Variants in CRTAC1 observed in about 807,000 individuals in gnomAD.
CRTAC1 encodes the protein cartilage acidic protein 1.
In CRTAC1, 37 loss-of-function variants were observed where a neutral mutation model predicts 67.8. The ratio of observed to expected loss-of-function variants is 0.55; its 90% CI spans 0.42 to 0.72. The LOEUF is 0.72. Ranked by LOEUF, CRTAC1 falls within the 30% of genes least tolerant of loss-of-function variation. The probability of loss-of-function intolerance (pLI) is 0.00; values close to 1 mark genes in which losing one functional copy is unlikely to be tolerated. For missense variants in CRTAC1, 780 were observed against 931.6 expected (o/e 0.84, Z 2.12); for synonymous variants, 348 against 371.0 (o/e 0.94, Z 0.71).
At chr10:97,997,216 C>T (rs2136679214) in intron 2 of CRTAC1, among the ~76,000 whole-genome samples, 1 of 138,058 alleles carries the variant, frequency 7.2e-6, no homozygotes, top group African/African-American at 2.8e-5. Context: ...GCACATGTAC[C>T]CTAAAACTTA....
intron 14 of CRTAC1, among the ~76,000 whole-genome samples, chr10:97,872,725 A>G (rs943293292): frequency 1.1e-4 from 17 of 152,136 alleles, no homozygotes; most frequent in Middle Eastern, 3.2e-3. Flanking sequence ...CTTGAGATGG[A>G]TGCTCGCAGA....
At chr10:98,019,394 C>T (rs78656694) in intron 1 of CRTAC1, among the ~76,000 whole-genome samples, 8,437 of 152,248 alleles carry the variant, frequency 0.055, 375 homozygotes, top group Non-Finnish European at 0.08. Context: ...GCCCTGGGGA[C>T]TTTTGGCAAT....
intron 2 of CRTAC1, among the ~76,000 whole-genome samples, chr10:97,965,656 G>A (rs1434442461): frequency 1.3e-5 from 2 of 151,530 alleles, no homozygotes; most frequent in African/African-American, 4.8e-5. Context: ...AGATACTCAT[G>A]TGAGGTGGCT....
chr10:97,865,812 G>C, intron 14 of CRTAC1, 98 bp from the exon 15 acceptor site: 1 of 1,367,692 alleles, frequency 7.3e-7, no homozygotes, highest in Non-Finnish European at 9.6e-7. Context: ...GGCTCACCCT[G>C]CTGCCCGGGG....
At chr10:98,010,314 A>G (rs1359785022) in intron 2 of CRTAC1, among the ~76,000 whole-genome samples, 5 of 152,226 alleles carry the variant, frequency 3.3e-5, no homozygotes, top group Non-Finnish European at 7.3e-5. Context: ...TGCTGGGATT[A>G]CAGGCGTGAG....
intron 2 of CRTAC1, among the ~76,000 whole-genome samples, chr10:97,942,553 A>G (rs563312671): frequency 6.6e-6 from 1 of 152,282 alleles, no homozygotes; most frequent in East Asian, 1.9e-4. Context: ...GACCTATGTG[A>G]AAAAAATCGC....
chr10:97,912,478 G>A (rs867659863), intron 5 of CRTAC1, among the ~76,000 whole-genome samples: 1 of 152,208 alleles, frequency 6.6e-6, no homozygotes, highest in Non-Finnish European at 1.5e-5. Context: ...GGGCAGCCTT[G>A]GTTGTCCTCA....
At chr10:98,022,976 G>A (rs1843153391) in intron 1 of CRTAC1, among the ~76,000 whole-genome samples, 1 of 152,058 alleles carries the variant, frequency 6.6e-6, no homozygotes, top group African/African-American at 2.4e-5. Flanking sequence ...AATTTAAAAT[G>A]CACTCGTGGA....
At position 98,030,542 on chromosome 10, in the gene CRTAC1, G is replaced by T; in HGVS notation, c.-70C>A. ...GCTCGCTGCCGCCTCTGCCGCCGGC[G>T]CCGCCGCCTGCTTGCTCCCAGCCCC... On this transcript the variant is annotated 5_prime_UTR_variant, in exon 1 of 15. Transcript: ENST00000370597. This position sits in a 1 kb window ranked among gnomAD's most constrained non-coding sequence, Gnocchi z 4.2. The T allele has an allele frequency of 9.2e-7, 1 of 1,088,272 alleles. No individual in the cohort carries two copies. Among genetic ancestry groups the T allele is most frequent in the East Asian group, 3.3e-5 (1 of 30,622 alleles). 67.4% of individuals were successfully genotyped at this position (1,088,272 alleles called of 1,614,324 possible).
At position 98,030,405 on chromosome 10, in the gene CRTAC1, A is replaced by T; in HGVS notation, c.24+44T>A. The T allele has an allele frequency of 8.2e-7, 1 of 1,220,526 alleles. No individual in the cohort carries two copies. The highest frequency in any genetic ancestry group is 1.0e-6 in the Non-Finnish European group (1 of 963,100). 75.6% of individuals were successfully genotyped at this position (1,220,526 alleles called of 1,614,324 possible). A position where few individuals can be genotyped will look rare whatever the true frequency, so the allele number is the denominator to read the frequency against. On this transcript the variant is annotated intron_variant, in intron 1 of 14. Coordinates refer to ENST00000370597, the MANE Select transcript of CRTAC1 (RefSeq NM_018058.7). The surrounding 1 kb of genome is among the most constrained non-coding windows in gnomAD (Gnocchi z 4.2). ...CGGGGGGGCGCGCAGAGCTGGAGAA[A>T]CTTTCTCCGCCTTAGGGTGGGGGGC...
chr10:97,894,463 C>T (rs555272664), intron 11 of CRTAC1, among the ~76,000 whole-genome samples: 121 of 151,672 alleles, frequency 8.0e-4, no homozygotes, highest in African/African-American at 2.9e-3. Flanking sequence ...GGTGCAATCA[C>T]GGCTCACTGC....
chr10:97,935,464 G>A (rs1284446722), intron 3 of CRTAC1, among the ~76,000 whole-genome samples: 1 of 152,158 alleles, frequency 6.6e-6, no homozygotes, highest in Admixed American at 6.5e-5. Context: ...CATCATCATA[G>A]CCTGGGAGCG....
At chr10:97,902,893 G>A (rs554645584) in intron 7 of CRTAC1, among the ~76,000 whole-genome samples, 3 of 152,042 alleles carry the variant, frequency 2.0e-5, no homozygotes, top group Non-Finnish European at 2.9e-5. Flanking sequence ...TGGCCAGCTG[G>A]TCTGGGTGGG....
chr10:98,003,294 T>A (rs1466618399), intron 2 of CRTAC1, among the ~76,000 whole-genome samples: 3 of 152,184 alleles, frequency 2.0e-5, no homozygotes, highest in African/African-American at 4.8e-5. Context: ...AAAATTGCAA[T>A]GAACTTAATG....
At chr10:97,890,856 G>A (rs1229825454) in intron 11 of CRTAC1, among the ~76,000 whole-genome samples, 2 of 151,986 alleles carry the variant, frequency 1.3e-5, no homozygotes, top group Non-Finnish European at 2.9e-5. Context: ...TAGTAGAGAC[G>A]GGGTTTCTCC....
At chr10:97,899,886 G>A (rs2050509742) in intron 8 of CRTAC1, among the ~76,000 whole-genome samples, 1 of 152,114 alleles carries the variant, frequency 6.6e-6, no homozygotes, top group South Asian at 2.1e-4. Flanking sequence ...CCAGGAACAG[G>A]GACATCTCAG....
In CRTAC1 at chr10:98,011,259, AC is replaced by A. The variant is rs1478965538; in HGVS notation, c.102del (p.Met34IlefsTer50). On this transcript the variant is annotated frameshift_variant, in exon 2 of 15. Transcript: ENST00000370597. LOFTEE classifies it high-confidence loss of function. ...ITEGSQRAEP[M>X]FTAVTNSVLP... Reference sequence around the variant, plus strand: ...AGAACTGAGTTGGTGACTGCAGTGAACATGGGTTCAGCCCGCTGGGACCCCT... The same window carrying A: ...AGAACTGAGTTGGTGACTGCAGTGAAATGGGTTCAGCCCGCTGGGACCCCT... The A allele has an allele frequency of 6.2e-7, 1 of 1,614,228 alleles. No individual in the cohort carries two copies.
intron 9 of CRTAC1, among the ~76,000 whole-genome samples, chr10:97,896,569 C>G (rs984229451): frequency 6.6e-6 from 1 of 152,118 alleles, no homozygotes; most frequent in Non-Finnish European, 1.5e-5. Context: ...AGATCCTCTG[C>G]CTGAGAGCAG....
chr10:97,993,890 C>T (rs1357113888), intron 2 of CRTAC1, among the ~76,000 whole-genome samples: 5 of 152,006 alleles, frequency 3.3e-5, no homozygotes, highest in Non-Finnish European at 7.4e-5. Flanking sequence ...GAGTTTTGCT[C>T]TTGTCCGCCA....
Sources: allele counts gnomAD v4.1 joint callset (sites outside exome capture counted in the v4.1 genomes callset), GRCh38; gene constraint gnomAD v4.1.1; non-coding constraint Gnocchi (gnomAD v3.1); transcripts MANE v1.5; gene names NCBI Gene and HGNC (gene_info 2026-07-23, HGNC 2026-07-21).